The following ZNF644 variants were observed in gnomAD, a reference collection of about 807,000 sequenced individuals.
The protein encoded by ZNF644 is zinc finger protein 644.
Under a neutral mutation model 108.0 loss-of-function variants are expected in ZNF644, and 20 were observed. The ratio of observed to expected loss-of-function variants is 0.19; its 90% confidence interval spans 0.13 to 0.27. The LOEUF (loss-of-function observed/expected upper bound fraction) is 0.27. ZNF644 is among the 10% of genes least tolerant of loss of function. ZNF644 has a pLI of 1.00. For synonymous variants in ZNF644, 542 were observed against 539.1 expected (o/e 1.01, Z -0.08); for missense variants, 1,338 against 1,548.9 (o/e 0.86, Z 2.29).
chr1:90,939,596 G>A lies in ZNF644; in HGVS notation c.1758C>T (p.Tyr586=). 1 of 1,614,032 alleles carries A rather than the reference G, an allele frequency of 6.2e-7. No homozygotes were observed. Among genetic ancestry groups the A allele is most frequent in the Non-Finnish European group, 8.5e-7 (1 of 1,179,932 alleles). Residue 586 remains tyrosine, a synonymous_variant, in exon 3 of 6, where the codon TAC becomes TAT. Transcript: ENST00000337393. ...TAGTAAAAGGACACATCTTACATAT[G>A]TAGGTAGCTGATTTTTTGGATGATC... ...VVGSSKKSAT[Y]ICKMCPFTTS...
intron 1 of ZNF644, among the ~76,000 whole-genome samples, chr1:90,988,565 C>A (rs1657337757): frequency 6.6e-6 from 1 of 152,084 alleles, no homozygotes; most frequent in African/African-American, 2.4e-5. Flanking sequence ...TCTCAAAGGA[C>A]CCCATAGAGC....
chr1:90,930,697 C>T (rs891574689), intron 4 of ZNF644, among the ~76,000 whole-genome samples: 2 of 152,092 alleles, frequency 1.3e-5, no homozygotes, highest in Admixed American at 6.5e-5. Context: ...GGTGAGTACA[C>T]AAGGAATTGT....
intron 1 of ZNF644, among the ~76,000 whole-genome samples, chr1:91,018,923 T>C (rs188440389): frequency 6.6e-6 from 1 of 152,298 alleles, no homozygotes; most frequent in African/African-American, 2.4e-5. Flanking sequence ...GACAGACCAC[T>C]TTATAACTAC....
intron 4 of ZNF644, among the ~76,000 whole-genome samples, chr1:90,934,583 A>G (rs993253321): frequency 6.6e-6 from 1 of 152,254 alleles, no homozygotes; most frequent in East Asian, 1.9e-4. Context: ...CGTATTACAT[A>G]TAAGTAAGCT....
At chr1:90,941,431 A>C in intron 2 of ZNF644, 122 bp from the exon 3 acceptor site, 2 of 891,096 alleles carry the variant, frequency 2.2e-6, no homozygotes, top group Non-Finnish European at 3.3e-6. Context: ...TTGAGATTCT[A>C]ATAATTTTCC....
Position 90,997,656 on chromosome 1 carries a change from G to A in ZNF644, c.-17-15286C>T, listed in dbSNP as rs118036263. Among the ~76,000 whole-genome samples the A allele has an allele frequency of 1.0e-3, 157 of 152,266 alleles. 1 individual carries two copies. In the East Asian group the frequency reaches 0.016, roughly 16 times the overall value. On this transcript the variant is annotated intron_variant, in intron 1 of 5. Coordinates refer to ENST00000337393, the MANE Select transcript of ZNF644 (RefSeq NM_201269.3). ...GATGCAGAACACAGGTGATTTCTGC[G>A]TTTCCAATTGAGGTACCGGGTTCAT...
chr1:90,982,259 G>T (rs757075173), intron 2 of ZNF644, 51 bp downstream of exon 2: 1 of 1,442,454 alleles, frequency 6.9e-7, no homozygotes, highest in Non-Finnish European at 9.7e-7. Context: ...TAATTTTTTT[G>T]TATTATTCCT....
At chr1:91,014,286 T>A (rs1008887203) in intron 1 of ZNF644, among the ~76,000 whole-genome samples, 4 of 152,184 alleles carry the variant, frequency 2.6e-5, no homozygotes, top group African/African-American at 9.6e-5. Context: ...TATAATGTCA[T>A]CTTCCCGATG....
intron 1 of ZNF644, among the ~76,000 whole-genome samples, chr1:90,990,712 C>G (rs964773078): frequency 2.6e-5 from 4 of 152,170 alleles, no homozygotes; most frequent in Admixed American, 2.0e-4. Flanking sequence ...ACTATCCAAG[C>G]AAGGAAGAGT....
At chr1:90,995,311 T>C (rs1232952141) in intron 1 of ZNF644, among the ~76,000 whole-genome samples, 3 of 152,092 alleles carry the variant, frequency 2.0e-5, no homozygotes, top group Non-Finnish European at 2.9e-5. Flanking sequence ...ATTGGTGAGT[T>C]TGAAGACAGG....
intron 1 of ZNF644, among the ~76,000 whole-genome samples, chr1:90,983,889 G>A (rs1656829222): frequency 6.6e-6 from 1 of 152,076 alleles, no homozygotes; most frequent in African/African-American, 2.4e-5. Flanking sequence ...AGATCACGTC[G>A]CTGCATCCAG....
At chr1:90,942,111 G>A (rs1367791403) in intron 2 of ZNF644, among the ~76,000 whole-genome samples, 1 of 152,016 alleles carries the variant, frequency 6.6e-6, no homozygotes, top group Non-Finnish European at 1.5e-5. Flanking sequence ...ACTTTCATAT[G>A]TGGGGCCTCA....
At chr1:90,996,996 G>A (rs1658206410) in intron 1 of ZNF644, among the ~76,000 whole-genome samples, 1 of 152,110 alleles carries the variant, frequency 6.6e-6, no homozygotes, top group Non-Finnish European at 1.5e-5. Flanking sequence ...GACAACCAAA[G>A]GACATTTGTC....
At chr1:90,929,819 C>T (rs1214654675) in intron 4 of ZNF644, among the ~76,000 whole-genome samples, 1 of 152,138 alleles carries the variant, frequency 6.6e-6, no homozygotes, top group Non-Finnish European at 1.5e-5. Flanking sequence ...AAACCTACTA[C>T]GATTACACTT....
intron 2 of ZNF644, among the ~76,000 whole-genome samples, chr1:90,969,111 C>G (rs1655213263): frequency 6.6e-6 from 1 of 152,072 alleles, no homozygotes; most frequent in Non-Finnish European, 1.5e-5. Context: ...TGTGTTCCCC[C>G]CAAAATTCAT....
intron 1 of ZNF644, among the ~76,000 whole-genome samples, chr1:91,014,662 T>C (rs758806001): frequency 1.4e-4 from 22 of 152,158 alleles, no homozygotes; most frequent in Non-Finnish European, 2.5e-4. Flanking sequence ...TCAACATCAT[T>C]GTACCAATGT....
chr1:90,987,826 C>T (rs1052213264), intron 1 of ZNF644, among the ~76,000 whole-genome samples: 1 of 151,948 alleles, frequency 6.6e-6, no homozygotes, highest in Non-Finnish European at 1.5e-5. Context: ...AAAAGGATTA[C>T]ACATCATGAC....
rs1651906412 is a variant in ZNF644, at chr1:90,940,971, G to C, written c.383C>G (p.Thr128Ser). 1 of 1,613,940 alleles carries C rather than the reference G, an allele frequency of 6.2e-7. No individual in the cohort carries two copies. The highest frequency in any genetic ancestry group is 1.7e-5 in the Admixed American group (1 of 59,990). ...GPVSHSSLTKTSNMNKGSVSL... is the reference protein window; with the variant it reads ...GPVSHSSLTKSSNMNKGSVSL... ...AACACTGCCTTTATTCATATTGGAA[G>C]TCTTAGTTAAGGAGGAGTGTGAAAC... The change falls in exon 3 of 6, where the codon ACT (threonine) becomes AGT (serine). Residue 128 changes from threonine (T) to serine (S), a missense_variant. Transcript: ENST00000337393.
At chr1:90,917,355 TTGTG>T (rs1283477676) in intron 5 of ZNF644, among the ~76,000 whole-genome samples, 1 of 152,124 alleles carries the variant, frequency 6.6e-6, no homozygotes, top group African/African-American at 2.4e-5. Context: ...TTCATGTGTG[TTGTG>T]TGTGAGTGTG....
Sources: allele counts gnomAD v4.1 joint callset (sites outside exome capture counted in the v4.1 genomes callset), GRCh38; gene constraint gnomAD v4.1.1; transcripts MANE v1.5; gene names NCBI Gene and HGNC (gene_info 2026-07-23, HGNC 2026-07-21).